SLC2A14: variants seen among roughly 807,000 people sequenced by gnomAD.
SLC2A14 encodes the protein solute carrier family 2, facilitated glucose transporter member 14.
In SLC2A14, 13 loss-of-function variants were observed where a neutral mutation model predicts 43.0. The observed-to-expected ratio is 0.30, with a 90% CI of 0.20 to 0.48. The LOEUF is 0.48. SLC2A14 is among the 20% of genes least tolerant of loss of function. SLC2A14 has a pLI of 0.99. For synonymous variants in SLC2A14, 190 were observed against 233.8 expected, an observed-to-expected ratio of 0.81 and a Z score of 1.71; for missense variants, 428 against 620.4, an observed-to-expected ratio of 0.69 and a Z score of 3.29.
At position 7,849,760 on chromosome 12, in the gene SLC2A14, G is replaced by A. The variant is rs748525165; in HGVS notation, c.19-16946C>T. ...CTAAAAATGCAAAAAAAAATTAGCC[G>A]GGTGTGGCGGCGGGCACCTGTAGTC... On this transcript the variant is annotated intron_variant, in intron 2 of 10. Coordinates refer to ENST00000431042, the MANE Select transcript of SLC2A14 (RefSeq NM_001286234.2). 7.3e-5 allele frequency among the ~76,000 whole-genome samples: 11 copies of A among 151,486 alleles called. No individual in the cohort carries two copies. The South Asian group carries it at 1.5e-3, about 20-fold the overall frequency.
chr12:7,859,362 C>G (rs28530751), intron 2 of SLC2A14, among the ~76,000 whole-genome samples: 9,553 of 151,686 alleles, frequency 0.063, 448 homozygotes, highest in African/African-American at 0.12. Flanking sequence ...TGCACTCCAA[C>G]CTGGGTGACA....
At position 7,886,151 on chromosome 12, in the gene SLC2A14, C is replaced by CTTTTTTTTTTTTTTT. The variant is rs3044922; in HGVS notation, c.132+4830_132+4844dup. On this transcript the variant is annotated intron_variant, in intron 1 of 9. Transcript: ENST00000539924. Reference sequence around the variant, plus strand: ...GGCATGTACCACCACGCCCGGACAGCTTTTTTTTTTTTTTTTTTTTTTTTT... The same window carrying CTTTTTTTTTTTTTTT: ...GGCATGTACCACCACGCCCGGACAGCTTTTTTTTTTTTTTTTTTTTTTTTTTTTTTTTTTTTTTTT... 1.5e-3 allele frequency among the ~76,000 whole-genome samples: 69 copies of CTTTTTTTTTTTTTTT among 44,728 alleles called. 6 individuals are homozygous for CTTTTTTTTTTTTTTT. Among genetic ancestry groups the CTTTTTTTTTTTTTTT allele is most frequent in the Non-Finnish European group, 2.0e-3 (51 of 25,748 alleles). 29.3% of individuals were successfully genotyped at this position (44,728 alleles called of 152,430 possible). A position where few individuals can be genotyped will look rare whatever the true frequency, so the allele number is the denominator to read the frequency against.
intron 7 of SLC2A14, among the ~76,000 whole-genome samples, chr12:7,822,615 G>A (rs1053563217): frequency 9.1e-4 from 137 of 150,376 alleles, no homozygotes; most frequent in Non-Finnish European, 1.4e-3. Context: ...CTTGCAGTGA[G>A]CCGAGATGGT....
At chr12:7,861,504 G>A (rs1002857045) in intron 2 of SLC2A14, among the ~76,000 whole-genome samples, 2 of 152,058 alleles carry the variant, frequency 1.3e-5, no homozygotes, top group Non-Finnish European at 2.9e-5. Context: ...CTTGTGTAAA[G>A]AAAAAATGTG....
At chr12:7,845,519 C>T (rs763118466) in intron 2 of SLC2A14, among the ~76,000 whole-genome samples, 1 of 152,062 alleles carries the variant, frequency 6.6e-6, no homozygotes, top group South Asian at 2.1e-4. Context: ...GTGGCTTACG[C>T]CTGTAATCCC....
In SLC2A14 at chr12:7,846,900, G is replaced by A. The variant is rs180909251; in HGVS notation, c.19-14086C>T. Among the ~76,000 whole-genome samples the A allele has an allele frequency of 5.5e-3, 837 of 151,500 alleles. 14 individuals carry two copies. Among genetic ancestry groups the A allele is most frequent in the African/African-American group, 0.019 (803 of 41,364 alleles). On this transcript the variant is annotated intron_variant, in intron 2 of 10. Coordinates refer to ENST00000431042, the MANE Select transcript of SLC2A14 (RefSeq NM_001286234.2). ...ACCTGCCCTGGCCTCCCGAAGTGCTGGGATTACAGGTGTGAGCCACCACGT... is the reference window on the plus strand; with the variant it reads ...ACCTGCCCTGGCCTCCCGAAGTGCTAGGATTACAGGTGTGAGCCACCACGT...
At chr12:7,863,154 C>T (rs1944686643) in intron 2 of SLC2A14, among the ~76,000 whole-genome samples, 1 of 152,084 alleles carries the variant, frequency 6.6e-6, no homozygotes, top group Non-Finnish European at 1.5e-5. Flanking sequence ...TCTGCAGCTT[C>T]ATTTTTGAGC....
chr12:7,882,133 A>C (rs557064236), intron 1 of SLC2A14, among the ~76,000 whole-genome samples: 89 of 152,142 alleles, frequency 5.8e-4, no homozygotes, highest in South Asian at 1.7e-3. Flanking sequence ...GTTGCTGCTC[A>C]GTTTTTGGGT....
chr12:7,847,848 T>C (rs540113047), intron 2 of SLC2A14, among the ~76,000 whole-genome samples: 4 of 152,044 alleles, frequency 2.6e-5, no homozygotes, highest in Admixed American at 2.0e-4. Flanking sequence ...GGCGCAGACA[T>C]AGGTGAGAAT....
At chr12:7,841,372 T>A (rs1365816122) in intron 2 of SLC2A14, among the ~76,000 whole-genome samples, 1 of 152,132 alleles carries the variant, frequency 6.6e-6, no homozygotes, top group Non-Finnish European at 1.5e-5. Flanking sequence ...GCGATTCTCC[T>A]GCCTCAGCCT....
At chr12:7,840,609 C>T (rs1865870715) in intron 2 of SLC2A14, among the ~76,000 whole-genome samples, 1 of 152,136 alleles carries the variant, frequency 6.6e-6, no homozygotes, top group Non-Finnish European at 1.5e-5. Context: ...TGGTCTCAAA[C>T]TCCTAACCTC....
chr12:7,888,815 A>AAAG (rs60618744), intron 1 of SLC2A14, among the ~76,000 whole-genome samples: 1 of 147,398 alleles, frequency 6.8e-6, no homozygotes, highest in Non-Finnish European at 1.5e-5. Context: ...AAAAAAAAAA[A>AAAG]GAAAAAAGGA....
At chr12:7,881,684 C>G (rs1945576787) in intron 1 of SLC2A14, among the ~76,000 whole-genome samples, 1 of 152,180 alleles carries the variant, frequency 6.6e-6, no homozygotes, top group Admixed American at 6.5e-5. Context: ...GACTGGCAGA[C>G]AGCTCCACCT....
chr12:7,868,962 T>G (rs144914635), intron 2 of SLC2A14, among the ~76,000 whole-genome samples: 2,755 of 152,032 alleles, frequency 0.018, 79 homozygotes, highest in African/African-American at 0.063. Flanking sequence ...CTGACCAACA[T>G]GGAGAAACCC....
At chr12:7,823,165 C>G (rs1864069877) in intron 7 of SLC2A14, among the ~76,000 whole-genome samples, 1 of 151,986 alleles carries the variant, frequency 6.6e-6, no homozygotes, top group African/African-American at 2.4e-5. Context: ...GGTGGATAAC[C>G]TGAGGTCAGG....
At chr12:7,883,263 C>CTTTTTTTTT (rs372464881) in intron 1 of SLC2A14, among the ~76,000 whole-genome samples, 4 of 108,406 alleles carry the variant, frequency 3.7e-5, no homozygotes, top group Non-Finnish European at 7.2e-5. Flanking sequence ...TTCTTTCTTT[C>CTTTTTTTTT]TTTTTTTTTT....
chr12:7,873,228 G>T (rs1945338377), upstream of SLC2A14: 1 of 985,522 alleles, frequency 1.0e-6, no homozygotes, highest in African/African-American at 1.7e-5. Flanking sequence ...AGGAGGGTGT[G>T]AACGTATCTA....
At chr12:7,867,306 A>AAAAAAAC (rs1944979230) in intron 2 of SLC2A14, among the ~76,000 whole-genome samples, 3 of 129,886 alleles carry the variant, frequency 2.3e-5, no homozygotes, top group Non-Finnish European at 4.9e-5. Context: ...AAAAACAAAA[A>AAAAAAAC]AAACATTCGT....
Position 7,828,736 on chromosome 12 carries a change from A to G in SLC2A14, c.644T>C (p.Ile215Thr), listed in dbSNP as rs1401758357. ...AGCATTCTCCTCTTTTTTTCTGTTA[A>G]TGAGCAAAAATCTGGGACTTTCAGG... ...CCPESPRFLL[I>T]NRKKEENATR... The change falls in exon 6 of 11, where the codon ATT becomes ACT. Residue 215 changes from isoleucine (I) to threonine (T), a missense_variant. By Grantham distance (89) the Ile-to-Thr change is moderately conservative. Around this residue, in one of 4 missense-constraint regions of SLC2A14, gnomAD observed 185 missense variants for 275.4 expected, o/e 0.67. Transcript: ENST00000431042. 6.2e-7 allele frequency: 1 copy of G among 1,614,000 alleles called. No homozygotes were observed. Among genetic ancestry groups the G allele is most frequent in the African/African-American group, 1.3e-5 (1 of 74,930 alleles).
Sources: allele counts gnomAD v4.1 joint callset (sites outside exome capture counted in the v4.1 genomes callset), GRCh38; gene constraint gnomAD v4.1.1; regional missense constraint gnomAD v4.1.1; transcripts MANE v1.5; gene names NCBI Gene and HGNC (gene_info 2026-07-23, HGNC 2026-07-21).